NFATC3: variants seen among roughly 807,000 people sequenced by gnomAD.
NFATC3 encodes nuclear factor of activated T cells 3.
NFATC3 carries 46 observed loss-of-function variants against 98.6 expected under a neutral mutation model. That is an observed-to-expected ratio of 0.47 (90% CI 0.37 to 0.60). NFATC3 has a LOEUF of 0.60. NFATC3 is among the 20% of genes least tolerant of loss of function. The probability of loss-of-function intolerance (pLI) is 0.00; values close to 1 mark genes in which losing one functional copy is unlikely to be tolerated. For synonymous variants in NFATC3, 512 were observed against 472.2 expected (o/e 1.08, Z -1.09); for missense variants, 1,256 against 1,295.5 (o/e 0.97, Z 0.47).
In NFATC3 at chr16:68,085,376, C is replaced by G; in HGVS notation, c.-306C>G. On this transcript the variant is annotated 5_prime_UTR_variant, in exon 1 of 10. Coordinates refer to ENST00000346183, the MANE Select transcript of NFATC3 (RefSeq NM_173165.3). Reference sequence around the variant, plus strand: ...GCGGGGCCGGGCGCGCGGCAGGGCGCGAGAGCGCACCCGCGGCGGCGGTGG... The same window carrying G: ...GCGGGGCCGGGCGCGCGGCAGGGCGGGAGAGCGCACCCGCGGCGGCGGTGG... 1 of 181,784 alleles carries G rather than the reference C, an allele frequency of 5.5e-6. No homozygotes were observed. The highest frequency in any genetic ancestry group is 1.9e-3 in the Middle Eastern group (1 of 514). The allele number at this position is 181,784 out of a possible 1,614,324, so 11.3% of individuals were successfully genotyped here.
intron 8 of NFATC3, among the ~76,000 whole-genome samples, chr16:68,187,737 A>G (rs2040264584): frequency 6.6e-6 from 1 of 152,092 alleles, no homozygotes; most frequent in Admixed American, 6.5e-5. Context: ...TCCAGGTTTT[A>G]TATGGGCTTC....
At chr16:68,108,305 T>C (rs1324139744) in intron 1 of NFATC3, among the ~76,000 whole-genome samples, 1 of 152,228 alleles carries the variant, frequency 6.6e-6, no homozygotes. Flanking sequence ...GGCTAGCCAG[T>C]TCTCCCAATA....
At chr16:68,127,659 G>C (rs903451713) in intron 3 of NFATC3, among the ~76,000 whole-genome samples, 1 of 149,880 alleles carries the variant, frequency 6.7e-6, no homozygotes, top group Non-Finnish European at 1.5e-5. Context: ...CTGCAGTCCA[G>C]CCTGGGGAAC....
In NFATC3 at chr16:68,085,633, T is replaced by TTCC; in HGVS notation, c.-49_-48insTCC. ...AGGAGCTGCTGCCGCCGCTTGCCGC[T>TTCC]GCCGCCGCCGCCGCCTGAGGAGGAG... is the stretch of plus-strand genomic sequence containing the variant. On this transcript the variant is annotated 5_prime_UTR_variant, in exon 1 of 10. Transcript: ENST00000346183. 6.9e-7 allele frequency: 1 copy of TTCC among 1,440,702 alleles called. No homozygotes were observed. The highest frequency in any genetic ancestry group is 3.0e-5 in the East Asian group (1 of 33,046). The allele number at this position is 1,440,702 out of a possible 1,614,324, so 89.2% of individuals were successfully genotyped here. A position where few individuals can be genotyped will look rare whatever the true frequency, so the allele number is the denominator to read the frequency against.
chr16:68,113,421 T>A (rs2036090794), intron 1 of NFATC3, among the ~76,000 whole-genome samples: 1 of 152,204 alleles, frequency 6.6e-6, no homozygotes, highest in Non-Finnish European at 1.5e-5. Flanking sequence ...CCTGGAGGTA[T>A]AAGCAGTGGA....
rs150743848 is a variant in NFATC3 at position 68,190,994 on chromosome 16, T to C, written c.2325T>C (p.Ser775=). 16 of 1,614,106 alleles carry C rather than the reference T, an allele frequency of 9.9e-6. No individual in the cohort carries two copies. Among genetic ancestry groups the C allele is most frequent in the Middle Eastern group, 3.3e-4 (2 of 6,084 alleles). Residue 775 remains serine, a synonymous_variant, in exon 9 of 10, where the codon AGT becomes AGC. Coordinates refer to ENST00000346183, the MANE Select transcript of NFATC3 (RefSeq NM_173165.3). Reference sequence around the variant, plus strand: ...TGCAGTGTAGAGATGAGAGTGTTAGTAAAGAACAGCATATGATTCCTTCTC... The same window carrying C: ...TGCAGTGTAGAGATGAGAGTGTTAGCAAAGAACAGCATATGATTCCTTCTC... The part of the protein sequence containing the change: ...PQLQCRDESV[S]KEQHMIPSPI...
intron 4 of NFATC3, among the ~76,000 whole-genome samples, chr16:68,165,026 C>G (rs937168683): frequency 1.4e-4 from 22 of 151,934 alleles, no homozygotes; most frequent in African/African-American, 5.3e-4. Flanking sequence ...TTCAGATGTA[C>G]TTTCTGGTAC....
chr16:68,172,959 A>T (rs2039531283), intron 5 of NFATC3, among the ~76,000 whole-genome samples: 1 of 152,158 alleles, frequency 6.6e-6, no homozygotes, highest in South Asian at 2.1e-4. Flanking sequence ...TGTTTATAGA[A>T]GTTGATAATG....
chr16:68,103,535 T>A (rs1026005278), intron 1 of NFATC3, among the ~76,000 whole-genome samples: 16 of 152,340 alleles, frequency 1.1e-4, no homozygotes, highest in African/African-American at 3.4e-4. Context: ...TGCCCTTTGG[T>A]GCACAAAAGT....
rs2036631451 is a variant in NFATC3 at position 68,122,937 on chromosome 16, C to T, written c.1054C>T (p.Pro352Ser). Residue 352 changes from proline (P) to serine (S), a missense_variant, in exon 2 of 10, where the codon CCA becomes TCA. Coordinates refer to ENST00000346183, the MANE Select transcript of NFATC3 (RefSeq NM_173165.3). Reference sequence around the variant, plus strand: ...TTCTGAAGATCAAGCTGCCATACTACCAGGAAAATTAGAGCTGTGTTCAGA... The same window carrying T: ...TTCTGAAGATCAAGCTGCCATACTATCAGGAAAATTAGAGCTGTGTTCAGA... Reference protein sequence around the residue: ...KTSEDQAAILPGKLELCSDDQ... With the variant: ...KTSEDQAAILSGKLELCSDDQ... 5 of 1,614,188 alleles carry T rather than the reference C, an allele frequency of 3.1e-6. No individual in the cohort carries two copies. The highest frequency in any genetic ancestry group is 1.3e-5 in the African/African-American group (1 of 75,060).
At chr16:68,217,661 A>G (rs2151172042) in intron 9 of NFATC3, 2 of 1,231,360 alleles carry the variant, frequency 1.6e-6, no homozygotes, top group African/African-American at 1.6e-5. Flanking sequence ...ACCTCATGAT[A>G]ATTCAGAGAT....
intron 3 of NFATC3, among the ~76,000 whole-genome samples, chr16:68,136,387 A>C (rs114052672): frequency 3.3e-5 from 5 of 151,874 alleles, no homozygotes; most frequent in South Asian, 2.1e-4. Context: ...CTCCACCTCA[A>C]CTTCTCCCGT....
intron 1 of NFATC3, among the ~76,000 whole-genome samples, chr16:68,111,201 C>T (rs1013042838): frequency 6.6e-6 from 1 of 152,200 alleles, no homozygotes; most frequent in Non-Finnish European, 1.5e-5. Context: ...TCTCGATGAT[C>T]TGTCTGATAT....
At chr16:68,170,140 C>T (rs113134425) in intron 5 of NFATC3, among the ~76,000 whole-genome samples, 6,119 of 152,012 alleles carry the variant, frequency 0.04, 369 homozygotes, top group African/African-American at 0.13. Flanking sequence ...CGCCTGTAAT[C>T]CCAGCACTTT....
chr16:68,168,534 C>T (rs1007929767), intron 5 of NFATC3, among the ~76,000 whole-genome samples: 3 of 150,802 alleles, frequency 2.0e-5, no homozygotes, highest in Non-Finnish European at 3.0e-5. Context: ...CATCCAGGCT[C>T]GAGTGCAATG....
intron 3 of NFATC3, among the ~76,000 whole-genome samples, chr16:68,135,620 C>T (rs1008651099): frequency 9.2e-5 from 14 of 151,982 alleles, no homozygotes; most frequent in East Asian, 3.9e-4. Flanking sequence ...TAATTAAAGC[C>T]GATACCTTTT....
intron 3 of NFATC3, among the ~76,000 whole-genome samples, chr16:68,138,039 AT>A (rs1176971555): frequency 1.3e-5 from 2 of 151,314 alleles, no homozygotes; most frequent in Admixed American, 6.6e-5. Context: ...TTAAAAAAAA[AT>A]TTTTTTTTCT....
Position 68,163,339 on chromosome 16 carries a change from C to T in NFATC3, c.1602-3504C>T, listed in dbSNP as rs1420797765. On this transcript the variant is annotated intron_variant, in intron 4 of 9. Transcript: ENST00000346183. Reference sequence around the variant, plus strand: ...CCGGGCAGAGGCGCCCCTCACCTCCCGGGCGGGGCGGCTGGCTGGGCTGGG... The same window carrying T: ...CCGGGCAGAGGCGCCCCTCACCTCCTGGGCGGGGCGGCTGGCTGGGCTGGG... Among the ~76,000 whole-genome samples the T allele has an allele frequency of 1.2e-4, 18 of 151,674 alleles. No individual in the cohort carries two copies. In the South Asian group the frequency reaches 2.5e-3, roughly 21 times the overall value.
At chr16:68,219,237 G>C (rs1055889951) in intron 9 of NFATC3, among the ~76,000 whole-genome samples, 2 of 152,038 alleles carry the variant, frequency 1.3e-5, no homozygotes, top group Admixed American at 1.3e-4. Flanking sequence ...AAAAAAATTA[G>C]CTGGGCATGG....
Sources: allele counts gnomAD v4.1 joint callset (sites outside exome capture counted in the v4.1 genomes callset), GRCh38; gene constraint gnomAD v4.1.1; transcripts MANE v1.5; gene names NCBI Gene and HGNC (gene_info 2026-07-23, HGNC 2026-07-21).